Variants in LDB2 observed in about 807,000 individuals in gnomAD.
The protein encoded by LDB2 is LIM domain-binding protein 2.
LDB2 carries 12 observed loss-of-function variants against 44.3 expected under a neutral mutation model. That is an observed-to-expected ratio of 0.27 (90% confidence interval 0.17 to 0.44). The LOEUF (loss-of-function observed/expected upper bound fraction) is 0.44. Ranked by LOEUF, LDB2 falls within the 20% of genes least tolerant of loss-of-function variation. The pLI is 1.00. For synonymous variants in LDB2, 164 were observed against 174.8 expected (o/e 0.94, Z 0.49); for missense variants, 344 against 473.5 (o/e 0.73, Z 2.54).
chr4:16,599,771 T>G (rs1560592983), intron 2 of LDB2, among the ~76,000 whole-genome samples: 2 of 152,204 alleles, frequency 1.3e-5, no homozygotes, highest in Non-Finnish European at 2.9e-5. Flanking sequence ...ATTCATCAAT[T>G]TCTTCTGTAA....
At chr4:16,669,387 T>C (rs182015614) in intron 2 of LDB2, among the ~76,000 whole-genome samples, 7 of 152,276 alleles carry the variant, frequency 4.6e-5, no homozygotes, top group Non-Finnish European at 7.4e-5. Context: ...CAGGTACAGC[T>C]GCCTCTGGAG....
At chr4:16,792,028 G>T (rs148107812) in intron 1 of LDB2, among the ~76,000 whole-genome samples, 62 of 152,300 alleles carry the variant, frequency 4.1e-4, no homozygotes, top group African/African-American at 1.4e-3. Context: ...AAGGAGAGGA[G>T]TTGAACAGTC....
rs181353860 is a variant in LDB2 at position 16,504,747 on chromosome 4, T to A, written c.892-1874A>T. On this transcript the variant is annotated intron_variant, in intron 7 of 7. Transcript: ENST00000304523. ...CTGCAGTGTTACCTGTTTGGGGATG[T>A]TCAGGATAAAAGAGTGCCACTGAGT... is the stretch of plus-strand genomic sequence containing the variant. Among the ~76,000 whole-genome samples the A allele has an allele frequency of 3.9e-5, 6 of 152,280 alleles. No individual in the cohort carries two copies. In the East Asian group the frequency reaches 1.2e-3, roughly 29 times the overall value.
At chr4:16,543,839 G>A (rs536899593) in intron 5 of LDB2, among the ~76,000 whole-genome samples, 178 of 152,088 alleles carry the variant, frequency 1.2e-3, no homozygotes, top group African/African-American at 4.2e-3. Flanking sequence ...CTACAGAATG[G>A]GAGAAAATTT....
chr4:16,625,484 C>G (rs766201257), intron 2 of LDB2, among the ~76,000 whole-genome samples: 2 of 152,112 alleles, frequency 1.3e-5, no homozygotes, highest in Non-Finnish European at 1.5e-5. Context: ...AACTGTCTGA[C>G]TCATTGCTGT....
chr4:16,750,980 G>A (rs1765374337), intron 2 of LDB2: 1 of 152,096 alleles, frequency 6.6e-6, no homozygotes, highest in South Asian at 2.1e-4. Context: ...CCCACTATGG[G>A]GTAGTGTTGT....
intron 2 of LDB2, among the ~76,000 whole-genome samples, chr4:16,697,009 T>C (rs1225347715): frequency 2.6e-5 from 4 of 152,092 alleles, no homozygotes; most frequent in African/African-American, 4.8e-5. Context: ...GGACAGAATA[T>C]GGAAATGGTA....
intron 1 of LDB2, chr4:16,889,478 G>C (rs563503143): frequency 6.6e-6 from 1 of 152,266 alleles, no homozygotes; most frequent in South Asian, 2.1e-4. Flanking sequence ...AAGAAATTTT[G>C]TTCTCTCAGG....
intron 1 of LDB2, among the ~76,000 whole-genome samples, chr4:16,894,831 G>T (rs1724444322): frequency 6.6e-6 from 1 of 152,042 alleles, no homozygotes; most frequent in South Asian, 2.1e-4. Flanking sequence ...ACTTGGTCCA[G>T]GAACTACTTG....
At chr4:16,623,368 C>T (rs1170688868) in intron 2 of LDB2, among the ~76,000 whole-genome samples, 7 of 152,218 alleles carry the variant, frequency 4.6e-5, no homozygotes, top group African/African-American at 7.2e-5. Context: ...GAGACCGAGG[C>T]GGGCGGATTA....
At chr4:16,856,638 A>G (rs1789413908) in intron 1 of LDB2, among the ~76,000 whole-genome samples, 1 of 152,194 alleles carries the variant, frequency 6.6e-6, no homozygotes, top group African/African-American at 2.4e-5. Context: ...TAAAATGTGT[A>G]TGTTCTGTAA....
chr4:16,728,997 G>C (rs1401048670), intron 2 of LDB2, among the ~76,000 whole-genome samples: 1 of 152,136 alleles, frequency 6.6e-6, no homozygotes, highest in East Asian at 1.9e-4. Context: ...TTTTTTATTG[G>C]AAGGACTTGG....
intron 2 of LDB2, among the ~76,000 whole-genome samples, chr4:16,715,850 G>C (rs1328636318): frequency 6.6e-6 from 1 of 152,150 alleles, no homozygotes; most frequent in African/African-American, 2.4e-5. Context: ...TGGTGGTGCT[G>C]CTGCTGTAGA....
chr4:16,615,526 G>C (rs1423547778), intron 2 of LDB2, among the ~76,000 whole-genome samples: 1 of 152,082 alleles, frequency 6.6e-6, no homozygotes, highest in East Asian at 1.9e-4. Context: ...AACACCACAT[G>C]TTCTCGCTCA....
rs944757385 is a variant in LDB2 at position 16,892,798 on chromosome 4, A to C, written c.132+5556T>G. Among the ~76,000 whole-genome samples the C allele has an allele frequency of 2.6e-5, 4 of 152,182 alleles. No homozygotes were observed. In the East Asian group the frequency reaches 7.7e-4, roughly 29 times the overall value. Reference sequence around the variant, plus strand: ...TAAATTAATTTCTTTCTGGACCCCAAACAAAAAGCTAAATGTTTAAAAAAT... The same window carrying C: ...TAAATTAATTTCTTTCTGGACCCCACACAAAAAGCTAAATGTTTAAAAAAT... On this transcript the variant is annotated intron_variant, in intron 1 of 7. Transcript: ENST00000304523.
At position 16,662,448 on chromosome 4, in the gene LDB2, C is replaced by T. The variant is rs150244114; in HGVS notation, c.236-66573G>A. ...CCACCCTCCCCTACACAGTGCCTTG[C>T]AAAATTAATATTTGGTAAAAATATA... is the stretch of plus-strand genomic sequence containing the variant. On this transcript the variant is annotated intron_variant, in intron 2 of 7. Transcript: ENST00000304523. Among the ~76,000 whole-genome samples, 28 of 152,254 alleles carry T rather than the reference C, an allele frequency of 1.8e-4. No homozygotes were observed. The East Asian group carries it at 4.8e-3, about 26-fold the overall frequency.
At chr4:16,536,690 G>C (rs1731990924) in intron 5 of LDB2, among the ~76,000 whole-genome samples, 1 of 152,218 alleles carries the variant, frequency 6.6e-6, no homozygotes, top group South Asian at 2.1e-4. Context: ...ACATGACTCA[G>C]GTGGGTCAGG....
chr4:16,529,778 G>A (rs10805350), intron 5 of LDB2, among the ~76,000 whole-genome samples: 33,955 of 152,040 alleles, frequency 0.22, 4,150 homozygotes, highest in East Asian at 0.52. Flanking sequence ...GTTCTAGCCC[G>A]TAAATTGATG....
intron 1 of LDB2, among the ~76,000 whole-genome samples, chr4:16,860,783 C>T (rs1357894484): frequency 1.3e-5 from 2 of 152,200 alleles, no homozygotes; most frequent in African/African-American, 4.8e-5. Flanking sequence ...CATTTGTGGA[C>T]TAAGTCATGG....
Sources: gnomAD v4.1 joint callset for allele counts (sites outside exome capture counted in the v4.1 genomes callset) on GRCh38, gnomAD v4.1.1 for gene constraint, MANE v1.5 for transcripts, NCBI Gene and HGNC (gene_info 2026-07-23, HGNC 2026-07-21) for gene names.